The following CES5A variants were observed in gnomAD, a reference collection of about 807,000 sequenced individuals.
The protein encoded by CES5A is carboxylesterase 5.
Under a neutral mutation model 62.9 loss-of-function variants are expected in CES5A, and 67 were observed. The ratio of observed to expected loss-of-function variants is 1.07; its 90% CI spans 0.88 to 1.31. CES5A has a LOEUF of 1.31. Ranked by LOEUF, CES5A falls within the 50% of genes most tolerant of loss-of-function variation. The probability of loss-of-function intolerance (pLI) is 0.00; values close to 1 mark genes in which losing one functional copy is unlikely to be tolerated. For missense variants in CES5A, 748 were observed against 708.5 expected, an observed-to-expected ratio of 1.06 and a Z score of -0.63; for synonymous variants, 296 against 280.8, an observed-to-expected ratio of 1.05 and a Z score of -0.54.
chr16:55,920,828 T>C (rs2034196846), intron 1 of CES5A, among the ~76,000 whole-genome samples: 1 of 152,164 alleles, frequency 6.6e-6, no homozygotes, highest in South Asian at 2.1e-4. Context: ...TCACCAAGAA[T>C]TCAAAATAGT....
intron 9 of CES5A, among the ~76,000 whole-genome samples, chr16:55,855,071 T>C (rs1332435888): frequency 3.9e-5 from 6 of 152,178 alleles, no homozygotes; most frequent in Non-Finnish European, 7.4e-5. Context: ...CTCCAAATCC[T>C]TCTCCCCAAG....
rs561514758 is a variant in CES5A, at chr16:55,886,236, A to T, written c.-255-12199T>A. Reference sequence around the variant, plus strand: ...CTTGGTTGCCACTTTAAATAGTCACAAAAGTGAGCTGAGGTAAAGACATAC... The same window carrying T: ...CTTGGTTGCCACTTTAAATAGTCACTAAAGTGAGCTGAGGTAAAGACATAC... On this transcript the variant is annotated intron_variant, in intron 1 of 12. Transcript: ENST00000518005. Among the ~76,000 whole-genome samples, 4 of 152,342 alleles carry T rather than the reference A, an allele frequency of 2.6e-5. No homozygotes were observed. In the South Asian group the frequency reaches 8.3e-4, roughly 32 times the overall value.
At chr16:55,943,151 G>A (rs1405034069) in intron 2 of CES5A, among the ~76,000 whole-genome samples, 2 of 152,116 alleles carry the variant, frequency 1.3e-5, no homozygotes, top group African/African-American at 2.4e-5. Flanking sequence ...CATTTCTATT[G>A]TATATAAATT....
chr16:55,862,812 T>C (rs1401941498), intron 6 of CES5A, among the ~76,000 whole-genome samples: 4 of 152,218 alleles, frequency 2.6e-5, no homozygotes, highest in Admixed American at 6.5e-5. Context: ...CCAGGTATTA[T>C]GCTGGGGGCC....
chr16:55,853,551 A>G (rs772185113), intron 9 of CES5A, among the ~76,000 whole-genome samples: 4 of 152,158 alleles, frequency 2.6e-5, no homozygotes, highest in Non-Finnish European at 5.9e-5. Context: ...CTTAGCTATT[A>G]TCTTACCTAA....
chr16:55,952,899 C>G (rs2034573641), intron 1 of CES5A, among the ~76,000 whole-genome samples: 3 of 152,150 alleles, frequency 2.0e-5, no homozygotes, highest in Admixed American at 2.0e-4. Flanking sequence ...AAAAACTACT[C>G]TAACTCGTTC....
chr16:55,934,763 A>T (rs1215832903), intron 2 of CES5A, among the ~76,000 whole-genome samples: 1 of 151,958 alleles, frequency 6.6e-6, no homozygotes, highest in African/African-American at 2.4e-5. Context: ...TGACTATGGA[A>T]GCTGTGAAGT....
upstream of CES5A, among the ~76,000 whole-genome samples, chr16:55,928,263 TC>T (rs1245973980): frequency 6.6e-6 from 1 of 152,068 alleles, no homozygotes; most frequent in African/African-American, 2.4e-5. Flanking sequence ...AATCATCTTT[TC>T]CAGCAATTTG....
chr16:55,855,473 C>T (rs373097189), intron 9 of CES5A, among the ~76,000 whole-genome samples: 1 of 152,198 alleles, frequency 6.6e-6, no homozygotes, highest in Admixed American at 6.5e-5. Context: ...CTTGCAGAAC[C>T]TGGCCTGATG....
intron 10 of CES5A, among the ~76,000 whole-genome samples, chr16:55,852,163 C>A (rs2033146152): frequency 6.6e-6 from 1 of 152,038 alleles, no homozygotes; most frequent in Non-Finnish European, 1.5e-5. Flanking sequence ...GTACTTGATA[C>A]CATTGAACTA....
intron 1 of CES5A, among the ~76,000 whole-genome samples, chr16:55,899,763 C>T (rs533817260): frequency 6.6e-6 from 1 of 152,324 alleles, no homozygotes; most frequent in East Asian, 1.9e-4. Context: ...GCCAGGAATG[C>T]CACCAAACAT....
chr16:55,897,829 G>A (rs528173707), intron 1 of CES5A, among the ~76,000 whole-genome samples: 1 of 152,160 alleles, frequency 6.6e-6, no homozygotes, highest in East Asian at 1.9e-4. Context: ...GTAGAATAAA[G>A]AAATGTAGTA....
rs567791831 is a variant in CES5A, at chr16:55,852,315, C to T, written c.1273+566G>A. On this transcript the variant is annotated intron_variant, in intron 10 of 12. Transcript: ENST00000290567. The stretch of plus-strand genomic sequence containing the variant: ...TCCTTTTGTTATTGATTTCTAATTT[C>T]ATTGCCTTGTGGTCGAAGAAGATAC... Among the ~76,000 whole-genome samples, 10 of 152,116 alleles carry T rather than the reference C, an allele frequency of 6.6e-5. No individual in the cohort carries two copies. In the East Asian group the frequency reaches 1.9e-3, roughly 29 times the overall value.
intron 1 of CES5A, among the ~76,000 whole-genome samples, chr16:55,889,361 C>T (rs2033850191): frequency 2.0e-5 from 3 of 152,138 alleles, no homozygotes; most frequent in Admixed American, 2.0e-4. Flanking sequence ...ACTTCAGATG[C>T]CAGTTGCAAG....
At chr16:55,852,693 C>T (rs1255596063) in intron 10 of CES5A, among the ~76,000 whole-genome samples, 188 bp downstream of exon 10, 1 of 152,116 alleles carries the variant, frequency 6.6e-6, no homozygotes, top group Non-Finnish European at 1.5e-5. Context: ...GATCAACATC[C>T]CCAAACTCTG....
At chr16:55,866,789 G>T (rs2033474557) in intron 4 of CES5A, among the ~76,000 whole-genome samples, 1 of 151,878 alleles carries the variant, frequency 6.6e-6, no homozygotes, top group Admixed American at 6.6e-5. Flanking sequence ...AGTGAGCTGA[G>T]ATCATGCCAC....
chr16:55,878,968 C>T (rs146572780), upstream of CES5A, among the ~76,000 whole-genome samples: 164 of 143,022 alleles, frequency 1.1e-3, 1 homozygote, highest in African/African-American at 3.6e-3. Context: ...CCCATTTCTA[C>T]AGCCCATTGC....
chr16:55,866,261 C>A, intron 4 of CES5A, 145 bp from the exon 5 acceptor site: 1 of 643,476 alleles, frequency 1.6e-6, no homozygotes, highest in Non-Finnish European at 2.5e-6. Context: ...GGAAACCGGA[C>A]TCAGTTCTCA....
intron 1 of CES5A, among the ~76,000 whole-genome samples, chr16:55,904,442 G>A (rs2034019423): frequency 6.6e-6 from 1 of 152,164 alleles, no homozygotes. Context: ...TAGAAAGTCT[G>A]AGAAGGCCAA....
Sources: allele counts gnomAD v4.1 joint callset (sites outside exome capture counted in the v4.1 genomes callset), GRCh38; gene constraint gnomAD v4.1.1; transcripts MANE v1.5; gene names NCBI Gene and HGNC (gene_info 2026-07-23, HGNC 2026-07-21).